Variants in AGBL4 observed in about 807,000 individuals in gnomAD.
AGBL4 encodes AGBL carboxypeptidase 4, also known as cytosolic carboxypeptidase 6.
A neutral mutation model predicts 66.4 loss-of-function variants in AGBL4; 58 were observed. That is an observed-to-expected ratio of 0.87 (90% confidence interval 0.71 to 1.09). The LOEUF (loss-of-function observed/expected upper bound fraction) is 1.09, where lower values mean the gene tolerates loss of function less well. Among genes scored for constraint, AGBL4 ranks in the 50% least tolerant of loss-of-function variants. AGBL4 has a pLI of 0.00. For synonymous variants in AGBL4, 234 were observed against 222.9 expected (o/e 1.05, Z -0.44); for missense variants, 579 against 631.0 (o/e 0.92, Z 0.88).
chr1:48,717,595 T>C (rs1455154316), intron 6 of AGBL4, among the ~76,000 whole-genome samples: 2 of 152,218 alleles, frequency 1.3e-5, no homozygotes, highest in East Asian at 3.9e-4. Context: ...TTCCACTTTT[T>C]CTACCATCCT....
chr1:48,544,695 C>T (rs1453723808), intron 11 of AGBL4, among the ~76,000 whole-genome samples: 1 of 152,090 alleles, frequency 6.6e-6, no homozygotes, highest in Non-Finnish European at 1.5e-5. Context: ...CCCGAGCCTC[C>T]ATGTGAGCAG....
intron 1 of AGBL4, among the ~76,000 whole-genome samples, chr1:49,999,859 C>T (rs1449109775): frequency 6.6e-6 from 1 of 151,904 alleles, no homozygotes; most frequent in Non-Finnish European, 1.5e-5. Context: ...TGGGATAATT[C>T]GCAAGCCACA....
intron 6 of AGBL4, among the ~76,000 whole-genome samples, chr1:48,832,414 T>C (rs899086113): frequency 6.6e-6 from 1 of 152,188 alleles, no homozygotes; most frequent in African/African-American, 2.4e-5. Flanking sequence ...TCATGTTTTC[T>C]CTGCTCTAAT....
rs935863549 is a variant in AGBL4 at position 49,507,352 on chromosome 1, G to A, written c.282+189961C>T. Among the ~76,000 whole-genome samples, 4 of 152,042 alleles carry A rather than the reference G, an allele frequency of 2.6e-5. 1 individual carries two copies. The highest frequency in any genetic ancestry group is 2.1e-4 in the South Asian group (1 of 4,824). The stretch of plus-strand genomic sequence containing the variant: ...AGAGCCAAATTGGGACCAAAAGAAC[G>A]GTCCAGCTGAACCTAGTCAATCTCA... On this transcript the variant is annotated intron_variant, in intron 3 of 13. Coordinates refer to ENST00000371839, the MANE Select transcript of AGBL4 (RefSeq NM_032785.4).
At chr1:49,860,998 G>C (rs1464489566) in intron 1 of AGBL4, among the ~76,000 whole-genome samples, 1 of 152,084 alleles carries the variant, frequency 6.6e-6, no homozygotes, top group Non-Finnish European at 1.5e-5. Flanking sequence ...CTGCTGAGAG[G>C]GGGAGAACAC....
chr1:49,401,853 C>A (rs1375960860), intron 3 of AGBL4, among the ~76,000 whole-genome samples: 2 of 152,034 alleles, frequency 1.3e-5, no homozygotes, highest in African/African-American at 4.8e-5. Flanking sequence ...GCTTTGATTT[C>A]ATTACTTATT....
intron 4 of AGBL4, among the ~76,000 whole-genome samples, chr1:49,077,824 AAGGGAGG>A (rs1644738700): frequency 6.6e-6 from 1 of 152,110 alleles, no homozygotes; most frequent in Non-Finnish European, 1.5e-5. Flanking sequence ...AAGATGACCA[AAGGGAGG>A]AGGGAGGAGG....
intron 8 of AGBL4, among the ~76,000 whole-genome samples, chr1:48,647,110 A>G (rs1645850340): frequency 6.6e-6 from 1 of 152,212 alleles, no homozygotes; most frequent in African/African-American, 2.4e-5. Context: ...CCTTTGCTAC[A>G]TAAGGATTGC....
intron 5 of AGBL4, among the ~76,000 whole-genome samples, chr1:48,941,720 G>T (rs1655990141): frequency 6.6e-6 from 1 of 152,108 alleles, no homozygotes; most frequent in African/African-American, 2.4e-5. Context: ...ATGAATTTAG[G>T]TTTTTTCATG....
At chr1:49,367,144 T>A (rs1258906272) in intron 3 of AGBL4, among the ~76,000 whole-genome samples, 1 of 152,192 alleles carries the variant, frequency 6.6e-6, no homozygotes, top group African/African-American at 2.4e-5. Flanking sequence ...AAGCAGTGCA[T>A]GTCACTGGCT....
intron 6 of AGBL4, among the ~76,000 whole-genome samples, chr1:48,784,972 T>C (rs1645377219): frequency 6.6e-6 from 1 of 152,254 alleles, no homozygotes; most frequent in Non-Finnish European, 1.5e-5. Flanking sequence ...AAAATGCAAC[T>C]CGCTTCTTGA....
intron 4 of AGBL4, among the ~76,000 whole-genome samples, chr1:49,063,900 A>G (rs12408811): frequency 0.44 from 66,919 of 152,140 alleles, 17,062 homozygotes; most frequent in Non-Finnish European, 0.58. Context: ...GAACTTCATT[A>G]GCTCTTTTAC....
At chr1:48,652,535 C>A (rs538883145) in intron 8 of AGBL4, among the ~76,000 whole-genome samples, 10 of 152,252 alleles carry the variant, frequency 6.6e-5, no homozygotes, top group African/African-American at 2.4e-4. Flanking sequence ...CAATGCCTTG[C>A]ATGCAAAGCT....
chr1:49,593,112 T>C (rs1001277965), intron 3 of AGBL4, among the ~76,000 whole-genome samples: 8 of 152,200 alleles, frequency 5.3e-5, no homozygotes, highest in Admixed American at 5.2e-4. Context: ...TTGTTTATAA[T>C]AATGGGTAAT....
At chr1:48,773,153 C>T (rs1644917958) in intron 6 of AGBL4, among the ~76,000 whole-genome samples, 1 of 152,094 alleles carries the variant, frequency 6.6e-6, no homozygotes, top group South Asian at 2.1e-4. Flanking sequence ...CAAAAAAATT[C>T]AGCACACTCA....
intron 3 of AGBL4, among the ~76,000 whole-genome samples, chr1:49,517,063 G>C (rs1315478909): frequency 2.6e-5 from 4 of 151,972 alleles, no homozygotes; most frequent in African/African-American, 9.7e-5. Flanking sequence ...TCGATGTTGT[G>C]AAGGTGACCC....
At chr1:48,814,426 C>T (rs1264053746) in intron 6 of AGBL4, among the ~76,000 whole-genome samples, 1 of 151,940 alleles carries the variant, frequency 6.6e-6, no homozygotes, top group African/African-American at 2.4e-5. Context: ...ATTAGCATAT[C>T]CATCATCTCA....
At chr1:49,190,911 C>T (rs1320040291) in intron 4 of AGBL4, among the ~76,000 whole-genome samples, 2 of 152,176 alleles carry the variant, frequency 1.3e-5, no homozygotes, top group Non-Finnish European at 2.9e-5. Context: ...GGAACTCCTG[C>T]CTCTTTTGGA....
chr1:49,471,229 T>C (rs917051620), intron 3 of AGBL4, among the ~76,000 whole-genome samples: 1 of 152,056 alleles, frequency 6.6e-6, no homozygotes, highest in Non-Finnish European at 1.5e-5. Context: ...AGTCATTATG[T>C]TATTTTTGCT....
Sources: gnomAD v4.1 joint callset for allele counts (sites outside exome capture counted in the v4.1 genomes callset) on GRCh38, gnomAD v4.1.1 for gene constraint, MANE v1.5 for transcripts, NCBI Gene and HGNC (gene_info 2026-07-23, HGNC 2026-07-21) for gene names.